Variants in EXOC5 observed in about 807,000 individuals in gnomAD.
EXOC5 encodes the protein exocyst complex component 5, also known as SEC10-like 1.
A neutral mutation model predicts 90.8 loss-of-function variants in EXOC5; 17 were observed. The ratio of observed to expected loss-of-function variants is 0.19; its 90% CI spans 0.13 to 0.28. The LOEUF (loss-of-function observed/expected upper bound fraction) is 0.28, where lower values mean the gene tolerates loss of function less well. EXOC5 is among the 10% of genes least tolerant of loss of function. The pLI, the probability that EXOC5 is intolerant of heterozygous loss-of-function variation, is 1.00. For missense variants in EXOC5, 569 were observed against 830.6 expected, an observed-to-expected ratio of 0.69 and a Z score of 3.87; for synonymous variants, 260 against 270.0, an observed-to-expected ratio of 0.96 and a Z score of 0.36.
intron 15 of EXOC5, among the ~76,000 whole-genome samples, chr14:57,217,169 T>C (rs967382886): frequency 3.3e-5 from 5 of 152,120 alleles, no homozygotes; most frequent in African/African-American, 1.2e-4. Context: ...GGGATGTAAA[T>C]TGGTACAGCC....
rs901045572 is a variant in EXOC5, at chr14:57,229,716, A to G, written c.1296+18T>C. The G allele has an allele frequency of 4.7e-5, 68 of 1,450,160 alleles. No homozygotes were observed. Among genetic ancestry groups the G allele is most frequent in the African/African-American group, 1.1e-4 (8 of 71,388 alleles). 89.8% of individuals were successfully genotyped at this position (1,450,160 alleles called of 1,614,324 possible). Reference sequence around the variant, plus strand: ...AGGAACAACTGTATATGTAAAATACATTTACAATCACTCTTACCCTATGAC... The same window carrying G: ...AGGAACAACTGTATATGTAAAATACGTTTACAATCACTCTTACCCTATGAC... On this transcript the variant is annotated intron_variant, in intron 12 of 17. Coordinates refer to ENST00000621441, the MANE Select transcript of EXOC5 (RefSeq NM_006544.4).
intron 7 of EXOC5, 130 bp from the exon 8 acceptor site, chr14:57,234,162 ACTTAAATAAAAT>A: frequency 1.6e-6 from 1 of 631,008 alleles, no homozygotes; most frequent in Non-Finnish European, 2.7e-6. Context: ...CACCTGTTGG[ACTTAAATAAAAT>A]TAACTGCAGA....
At chr14:57,216,295 T>C (rs750520239) in intron 15 of EXOC5, among the ~76,000 whole-genome samples, 43 of 147,412 alleles carry the variant, frequency 2.9e-4, no homozygotes, top group Admixed American at 5.3e-4. Flanking sequence ...AAAAAAACAC[T>C]AAAATTCTTA....
At chr14:57,229,576 T>G (rs1275369092) in intron 12 of EXOC5, among the ~76,000 whole-genome samples, 158 bp downstream of exon 12, 1 of 152,196 alleles carries the variant, frequency 6.6e-6, no homozygotes, top group Non-Finnish European at 1.5e-5. Context: ...AATTAAAGTA[T>G]AAATGAGGAT....
chr14:57,222,439 T>C (rs778923616), intron 12 of EXOC5, 23 bp from the exon 13 acceptor site: 14 of 1,342,698 alleles, frequency 1.0e-5, no homozygotes, highest in Middle Eastern at 1.8e-4. Flanking sequence ...AATCAAACAA[T>C]ATCACTCCTC....
chr14:57,230,356 T>G (rs934070323), intron 11 of EXOC5, among the ~76,000 whole-genome samples: 2 of 152,010 alleles, frequency 1.3e-5, no homozygotes, highest in Non-Finnish European at 2.9e-5. Context: ...CCTGAAACAC[T>G]TATATGGGGT....
chr14:57,262,745 G>GTGTGTGTATATATACGTATATATATA lies in EXOC5; in HGVS notation c.27+5876_27+5877insTATATATATACGTATATATACACACA, dbSNP rs1566508327. Among the ~76,000 whole-genome samples, 13 of 147,036 alleles carry GTGTGTGTATATATACGTATATATATA rather than the reference G, an allele frequency of 8.8e-5. 1 individual carries two copies. The highest frequency in any genetic ancestry group is 3.3e-4 in the African/African-American group (13 of 38,968). On this transcript the variant is annotated intron_variant, in intron 1 of 17. Transcript: ENST00000621441. ...TGTGTATATATACGTATATATGTGT[G>GTGTGTGTATATATACGTATATATATA]TGTGTATATATATACTTAATGAATA...
At chr14:57,230,431 A>ACGCG (rs200893413) in intron 11 of EXOC5, among the ~76,000 whole-genome samples, 3 of 150,892 alleles carry the variant, frequency 2.0e-5, no homozygotes, top group African/African-American at 7.4e-5. Flanking sequence ...GTAAACACAC[A>ACGCG]CACACACACA....
At position 57,244,253 on chromosome 14, in the gene EXOC5, C is replaced by A. The variant is rs79069730; in HGVS notation, c.377G>T (p.Arg126Leu). 5 of 1,613,172 alleles carry A rather than the reference C, an allele frequency of 3.1e-6. No homozygotes were observed. Among genetic ancestry groups the A allele is most frequent in the Non-Finnish European group, 4.2e-6 (5 of 1,179,508 alleles). ...CATCAATTTCTGAGCCTCCACTGCC[C>A]GTTGTCTGGGTGTGTTTACCCCCTC... Reference protein sequence around the residue: ...QLEGVNTPRQRAVEAQKLMKY... With the variant: ...QLEGVNTPRQLAVEAQKLMKY... Residue 126 changes from arginine (R) to leucine (L), a missense_variant, in exon 4 of 18, where the codon CGG becomes CTG. Physicochemically the swap from Arg to Leu is moderately radical, Grantham distance 102 (BLOSUM62 -2). Coordinates refer to ENST00000621441, the MANE Select transcript of EXOC5 (RefSeq NM_006544.4).
intron 13 of EXOC5, among the ~76,000 whole-genome samples, chr14:57,219,831 C>T (rs1294060801): frequency 6.6e-6 from 1 of 152,012 alleles, no homozygotes; most frequent in Non-Finnish European, 1.5e-5. Context: ...TATCCCTAAA[C>T]TGACACATTT....
At position 57,201,875 on chromosome 14, in the gene EXOC5, ACT is replaced by A. The variant is rs998798385; in HGVS notation, c.*6732_*6733del. 3.8e-4 allele frequency: 57 copies of A among 151,974 alleles called. No individual in the cohort carries two copies. Among genetic ancestry groups the A allele is most frequent in the African/African-American group, 1.4e-3 (56 of 41,444 alleles). 9.4% of individuals were successfully genotyped at this position (151,974 alleles called of 1,614,324 possible). A position where few individuals can be genotyped will look rare whatever the true frequency, so the allele number is the denominator to read the frequency against. On this transcript the variant is annotated 3_prime_UTR_variant, in exon 18 of 18. Coordinates refer to ENST00000621441, the MANE Select transcript of EXOC5 (RefSeq NM_006544.4). ...ACTCCAGCTTGGGCAACAGAGCGAG[ACT>A]CTGTCTGCAAATAAATAAATAAGGG...
chr14:57,240,614 T>G (rs1436353917), intron 4 of EXOC5, among the ~76,000 whole-genome samples: 1 of 152,084 alleles, frequency 6.6e-6, no homozygotes, highest in Non-Finnish European at 1.5e-5. Context: ...GTTGTGGAAC[T>G]AAGGAACTTA....
chr14:57,240,784 T>C (rs1360283702), intron 4 of EXOC5, among the ~76,000 whole-genome samples: 2 of 152,212 alleles, frequency 1.3e-5, no homozygotes, highest in Admixed American at 1.3e-4. Flanking sequence ...TCATTTTCTT[T>C]TACATTTGAA....
intron 1 of EXOC5, among the ~76,000 whole-genome samples, chr14:57,250,378 A>G (rs1428252667): frequency 6.6e-6 from 1 of 152,234 alleles, no homozygotes; most frequent in Non-Finnish European, 1.5e-5. Context: ...CAGGTTCTCA[A>G]GAAGATAAGG....
At chr14:57,240,424 G>A (rs1883826000) in intron 4 of EXOC5, among the ~76,000 whole-genome samples, 1 of 152,128 alleles carries the variant, frequency 6.6e-6, no homozygotes, top group African/African-American at 2.4e-5. Context: ...TGGGATTACA[G>A]GCGCATGCCA....
intron 11 of EXOC5, among the ~76,000 whole-genome samples, chr14:57,230,160 T>C (rs1283880520): frequency 6.6e-6 from 1 of 152,192 alleles, no homozygotes; most frequent in African/African-American, 2.4e-5. Context: ...TTGCTGGGTT[T>C]CCTTAGAAAG....
chr14:57,244,255 T>C lies in EXOC5; in HGVS notation c.375A>G (p.Gln125=), dbSNP rs1019699060. Residue 125 remains glutamine, a synonymous_variant, in exon 4 of 18, where the codon CAA becomes CAG. Coordinates refer to ENST00000621441, the MANE Select transcript of EXOC5 (RefSeq NM_006544.4). The part of the protein sequence containing the change: ...DQLEGVNTPR[Q]RAVEAQKLMK... ...TCAATTTCTGAGCCTCCACTGCCCG[T>C]TGTCTGGGTGTGTTTACCCCCTCTA... 1.2e-6 allele frequency: 2 copies of C among 1,613,630 alleles called. No homozygotes were observed. Among genetic ancestry groups the C allele is most frequent in the Non-Finnish European group, 1.7e-6 (2 of 1,179,552 alleles).
At chr14:57,262,560 G>A (rs1566508086) in intron 1 of EXOC5, among the ~76,000 whole-genome samples, 1 of 137,730 alleles carries the variant, frequency 7.3e-6, no homozygotes, top group Non-Finnish European at 1.5e-5. Flanking sequence ...GTGTGTGTGT[G>A]TGTGTATATA....
chr14:57,228,270 A>C (rs7142694), intron 12 of EXOC5, among the ~76,000 whole-genome samples: 23,635 of 151,988 alleles, frequency 0.16, 3,583 homozygotes, highest in African/African-American at 0.4. Flanking sequence ...GTAAACTAGT[A>C]CAACCATTGT....
Sources: allele counts gnomAD v4.1 joint callset (sites outside exome capture counted in the v4.1 genomes callset), GRCh38; gene constraint gnomAD v4.1.1; transcripts MANE v1.5; gene names NCBI Gene and HGNC (gene_info 2026-07-23, HGNC 2026-07-21).